The following LASP1 variants were observed in gnomAD, a reference collection of about 807,000 sequenced individuals.
LASP1 encodes LIM and SH3 domain protein 1.
A neutral mutation model predicts 38.6 loss-of-function variants in LASP1; 10 were observed. The observed-to-expected ratio is 0.26, with a 90% CI of 0.16 to 0.44. The LOEUF is 0.44. Among genes scored for constraint, LASP1 ranks in the 20% least tolerant of loss-of-function variants. The pLI is 1.00. For missense variants in LASP1, 243 were observed against 375.7 expected (o/e 0.65, Z 2.92); for synonymous variants, 132 against 140.8 (o/e 0.94, Z 0.44).
At chr17:38,902,574 G>A (rs1351932287) in intron 4 of LASP1, among the ~76,000 whole-genome samples, 1 of 152,036 alleles carries the variant, frequency 6.6e-6, no homozygotes, top group Non-Finnish European at 1.5e-5. Flanking sequence ...TTGGAAAATA[G>A]GGTGTTTAGA....
At chr17:38,882,026 C>T (rs898187528) in intron 2 of LASP1, among the ~76,000 whole-genome samples, 3 of 152,158 alleles carry the variant, frequency 2.0e-5, no homozygotes, top group Non-Finnish European at 2.9e-5. Flanking sequence ...CCTGGTGTGG[C>T]GGACCCCCAC....
At chr17:38,886,705 G>A (rs142637534) in intron 2 of LASP1, among the ~76,000 whole-genome samples, 1,810 of 152,096 alleles carry the variant, frequency 0.012, 38 homozygotes, top group African/African-American at 0.041. Flanking sequence ...GGGGTGCAGG[G>A]GGTGTGTGGA....
chr17:38,879,628 A>G (rs1021914804), intron 2 of LASP1, among the ~76,000 whole-genome samples: 4 of 149,762 alleles, frequency 2.7e-5, no homozygotes, highest in Admixed American at 1.3e-4. Context: ...TCACCCAGGG[A>G]AAAAAAAATT....
intron 4 of LASP1, among the ~76,000 whole-genome samples, chr17:38,910,911 C>CAG (rs200577555): frequency 0.26 from 39,165 of 151,772 alleles, 5,983 homozygotes; most frequent in Middle Eastern, 0.49. Flanking sequence ...TCAGTAGAGA[C>CAG]GGCATTTCAC....
chr17:38,870,065 C>A lies in LASP1; in HGVS notation c.-125C>A. ...AGGAGGGCGGAGGCGGAGGCCAGTT[C>A]CCCAGCTCCAGCCGCCGTCGCTGCT... is the stretch of plus-strand genomic sequence containing the variant. On this transcript the variant is annotated 5_prime_UTR_variant, in exon 1 of 7. Transcript: ENST00000318008. 1 of 1,004,782 alleles carries A rather than the reference C, an allele frequency of 1.0e-6. No individual in the cohort carries two copies. Among genetic ancestry groups the A allele is most frequent in the Non-Finnish European group, 1.5e-6 (1 of 660,402 alleles). The allele number at this position is 1,004,782 out of a possible 1,614,324, so 62.2% of individuals were successfully genotyped here.
chr17:38,905,530 CAA>C (rs35515925), intron 4 of LASP1, among the ~76,000 whole-genome samples: 85 of 93,090 alleles, frequency 9.1e-4, no homozygotes, highest in African/African-American at 1.6e-3. Flanking sequence ...GACTCCATCT[CAA>C]AAAAAAAAAA....
At position 38,898,360 on chromosome 17, in the gene LASP1, G is replaced by C. The variant is rs1914547007; in HGVS notation, c.250-52G>C. ...CTGCCTCAGAGGGGCCCCAAGCCGA[G>C]GCCCTTTCGGCTCCTGGCCTGACTC... On this transcript the variant is annotated intron_variant, in intron 3 of 6. Transcript: ENST00000318008. 8.7e-6 allele frequency: 12 copies of C among 1,378,628 alleles called. No individual in the cohort carries two copies. The South Asian group carries it at 1.5e-4, about 17-fold the overall frequency. The allele number at this position is 1,378,628 out of a possible 1,614,324, so 85.4% of individuals were successfully genotyped here.
chr17:38,900,329 G>A (rs1243675321), intron 4 of LASP1, among the ~76,000 whole-genome samples: 4 of 145,508 alleles, frequency 2.7e-5, no homozygotes, highest in Middle Eastern at 3.9e-3. Context: ...ATAGTGAGCC[G>A]TAATTGCACC....
chr17:38,886,795 T>C (rs1483759971), intron 2 of LASP1, among the ~76,000 whole-genome samples: 1 of 152,088 alleles, frequency 6.6e-6, no homozygotes, highest in African/African-American at 2.4e-5. Flanking sequence ...ATTCATCGTG[T>C]GTGAGGCACA....
At chr17:38,887,036 G>A (rs576653712) in intron 2 of LASP1, among the ~76,000 whole-genome samples, 16 of 152,284 alleles carry the variant, frequency 1.1e-4, no homozygotes, top group African/African-American at 3.4e-4. Context: ...ACCCAGCCTG[G>A]CCTGTTTTAA....
At chr17:38,897,326 G>C (rs1232406056) in intron 3 of LASP1, among the ~76,000 whole-genome samples, 1 of 152,224 alleles carries the variant, frequency 6.6e-6, no homozygotes, top group Non-Finnish European at 1.5e-5. Flanking sequence ...GCACAGCTCG[G>C]TGCTGCTGCC....
At chr17:38,890,359 A>G in intron 2 of LASP1, 61 bp from the exon 3 acceptor site, 1 of 1,475,232 alleles carries the variant, frequency 6.8e-7, no homozygotes, top group Non-Finnish European at 9.5e-7. Flanking sequence ...CTCTGTGAGA[A>G]GCCCAGAGGC....
At chr17:38,878,045 G>A in intron 1 of LASP1, 41 bp from the exon 2 acceptor site, 1 of 1,494,238 alleles carries the variant, frequency 6.7e-7, no homozygotes, top group Non-Finnish European at 9.3e-7. Context: ...TTTTTCAGAA[G>A]TCCTGGTATC....
chr17:38,876,111 A>G (rs758616017), intron 1 of LASP1, among the ~76,000 whole-genome samples: 4 of 151,468 alleles, frequency 2.6e-5, no homozygotes, highest in African/African-American at 4.9e-5. Flanking sequence ...CTAAGCATCA[A>G]TACTTCTCAG....
In LASP1 at chr17:38,918,953, T is replaced by C. The variant is rs1915218661; in HGVS notation, c.*175T>C. The C allele has an allele frequency of 1.4e-6, 1 of 703,676 alleles. No homozygotes were observed. Among genetic ancestry groups the C allele is most frequent in the Non-Finnish European group, 2.3e-6 (1 of 427,682 alleles). The allele number at this position is 703,676 out of a possible 1,614,324, so 43.6% of individuals were successfully genotyped here. On this transcript the variant is annotated 3_prime_UTR_variant, in exon 7 of 7. Coordinates refer to ENST00000318008, the MANE Select transcript of LASP1 (RefSeq NM_006148.4). This position sits in a 1 kb window ranked among gnomAD's most constrained non-coding sequence, Gnocchi z 4.4. Reference sequence around the variant, plus strand: ...GCCTTCTTCTGCCACTTCTGCGGGCTCCCTCCTCTGGCAGGCTTCCCCCTT... The same window carrying C: ...GCCTTCTTCTGCCACTTCTGCGGGCCCCCTCCTCTGGCAGGCTTCCCCCTT...
chr17:38,901,550 G>A (rs961065996), intron 4 of LASP1, among the ~76,000 whole-genome samples: 7 of 152,180 alleles, frequency 4.6e-5, no homozygotes, highest in Admixed American at 1.3e-4. Flanking sequence ...AGGGTTGACT[G>A]AAAATGCAGA....
At chr17:38,890,692 C>T (rs1406793252) in intron 3 of LASP1, among the ~76,000 whole-genome samples, 188 bp downstream of exon 3, 1 of 152,166 alleles carries the variant, frequency 6.6e-6, no homozygotes, top group Non-Finnish European at 1.5e-5. Context: ...AGAGCGTTCT[C>T]CCACTTCCTA....
intron 4 of LASP1, among the ~76,000 whole-genome samples, chr17:38,905,987 G>T (rs1914768296): frequency 6.6e-6 from 1 of 152,184 alleles, no homozygotes; most frequent in South Asian, 2.1e-4. Flanking sequence ...TTGAGCCCAG[G>T]AGTTTGAGGC....
At chr17:38,913,905 G>A (rs1466019722) in intron 4 of LASP1, among the ~76,000 whole-genome samples, 1 of 152,080 alleles carries the variant, frequency 6.6e-6, no homozygotes, top group Non-Finnish European at 1.5e-5. Flanking sequence ...AGGAGGCTGA[G>A]GCAGGAGAAT....
Sources: allele counts gnomAD v4.1 joint callset (sites outside exome capture counted in the v4.1 genomes callset), GRCh38; gene constraint gnomAD v4.1.1; non-coding constraint Gnocchi (gnomAD v3.1); transcripts MANE v1.5; gene names NCBI Gene and HGNC (gene_info 2026-07-23, HGNC 2026-07-21).